The following ARHGAP39 variants were observed in gnomAD, a reference collection of about 807,000 sequenced individuals.
ARHGAP39 encodes Rho GTPase activating protein 39, also known as rho GTPase-activating protein 39.
ARHGAP39 carries 44 observed loss-of-function variants against 106.9 expected under a neutral mutation model. The ratio of observed to expected loss-of-function variants is 0.41; its 90% confidence interval spans 0.32 to 0.53. The LOEUF (loss-of-function observed/expected upper bound fraction) is 0.53. Among genes scored for constraint, ARHGAP39 ranks in the 20% least tolerant of loss-of-function variants. ARHGAP39 has a pLI of 0.21. For missense variants in ARHGAP39, 1,496 were observed against 1,577.3 expected, an observed-to-expected ratio of 0.95 and a Z score of 0.87; for synonymous variants, 768 against 693.2, an observed-to-expected ratio of 1.11 and a Z score of -1.69.
chr8:144,643,259 T>C lies in ARHGAP39; in HGVS notation c.-81-37564A>G, dbSNP rs183538240. Among the ~76,000 whole-genome samples the C allele has an allele frequency of 4.0e-3, 608 of 151,958 alleles. 2 individuals are homozygous for C. The highest frequency in any genetic ancestry group is 6.5e-3 in the Non-Finnish European group (444 of 67,940). Reference sequence around the variant, plus strand: ...AGTGGACTGCTTGAACTCAGGTGCTTGAGACCAGCCTGGGCAACATGGCAA... The same window carrying C: ...AGTGGACTGCTTGAACTCAGGTGCTCGAGACCAGCCTGGGCAACATGGCAA... On this transcript the variant is annotated intron_variant, in intron 1 of 11. Transcript: ENST00000377307.
At chr8:144,620,063 C>T (rs111206477) in intron 1 of ARHGAP39, among the ~76,000 whole-genome samples, 85 of 135,306 alleles carry the variant, frequency 6.3e-4, no homozygotes, top group Admixed American at 3.2e-3. Context: ...TCCCTGAGAG[C>T]GTGTCTGTGT....
At chr8:144,659,976 A>G (rs1016917478) in intron 1 of ARHGAP39, among the ~76,000 whole-genome samples, 3 of 152,160 alleles carry the variant, frequency 2.0e-5, no homozygotes, top group Admixed American at 6.5e-5. Flanking sequence ...CTCAGTTTAC[A>G]AATGCCAGAT....
At chr8:144,681,573 A>C (rs1453291285) in intron 1 of ARHGAP39, among the ~76,000 whole-genome samples, 1 of 152,196 alleles carries the variant, frequency 6.6e-6, no homozygotes, top group Non-Finnish European at 1.5e-5. Flanking sequence ...AGCACCAAAG[A>C]AGCCAGTACA....
At chr8:144,533,024 C>T in intron 9 of ARHGAP39, 102 bp downstream of exon 9, 2 of 1,394,674 alleles carry the variant, frequency 1.4e-6, no homozygotes, top group Non-Finnish European at 2.0e-6. Flanking sequence ...GGTGCGGAAG[C>T]AGCCCAGTGG....
intron 1 of ARHGAP39, among the ~76,000 whole-genome samples, chr8:144,636,982 T>C (rs1252130806): frequency 6.6e-6 from 1 of 152,242 alleles, no homozygotes; most frequent in Non-Finnish European, 1.5e-5. Flanking sequence ...AATCTGTGTC[T>C]TTCTGGAAGC....
intron 4 of ARHGAP39, among the ~76,000 whole-genome samples, chr8:144,553,027 G>A (rs1219245289): frequency 6.6e-6 from 1 of 152,188 alleles, no homozygotes; most frequent in Non-Finnish European, 1.5e-5. Flanking sequence ...GGGCTGGCAT[G>A]GGGCTGGACA....
At chr8:144,688,582 C>G (rs1822682869), upstream of ARHGAP39, among the ~76,000 whole-genome samples, 1 of 152,094 alleles carries the variant, frequency 6.6e-6, no homozygotes, top group African/African-American at 2.4e-5. Flanking sequence ...CCCGTGTCTA[C>G]AAAAAGAAAT....
In ARHGAP39 at chr8:144,641,647, G is replaced by A. The variant is rs76937746; in HGVS notation, c.-81-35952C>T. On this transcript the variant is annotated intron_variant, in intron 1 of 11. Transcript: ENST00000377307. This position sits in a 1 kb window ranked among gnomAD's most constrained non-coding sequence, Gnocchi z 5.2. ...CCTCTGTCGGCCTCCGCCAAAAGCAGAGCCTGAGACGAGGATGTGGCTTCA... is the reference window on the plus strand; with the variant it reads ...CCTCTGTCGGCCTCCGCCAAAAGCAAAGCCTGAGACGAGGATGTGGCTTCA... Among the ~76,000 whole-genome samples, 82 of 152,382 alleles carry A rather than the reference G, an allele frequency of 5.4e-4. No homozygotes were observed. The East Asian group carries it at 0.012, about 23-fold the overall frequency.
At chr8:144,561,747 C>A (rs868779711) in intron 3 of ARHGAP39, among the ~76,000 whole-genome samples, 1 of 143,588 alleles carries the variant, frequency 7.0e-6, no homozygotes, top group African/African-American at 3.0e-5. Context: ...TGGTTTCCAT[C>A]GGACTTAATC....
intron 2 of ARHGAP39, among the ~76,000 whole-genome samples, chr8:144,587,342 G>A (rs143398831): frequency 2.4e-3 from 358 of 152,328 alleles, no homozygotes; most frequent in African/African-American, 8.2e-3. Flanking sequence ...ATCTGGGTTC[G>A]GAGCCAGAAC....
At chr8:144,635,717 A>G (rs1482485803) in intron 1 of ARHGAP39, among the ~76,000 whole-genome samples, 39 of 140,450 alleles carry the variant, frequency 2.8e-4, no homozygotes, top group Middle Eastern at 4.0e-3. Flanking sequence ...GACAGTGTGG[A>G]GACTGAATTA....
chr8:144,595,876 A>C (rs1035534838), intron 2 of ARHGAP39, among the ~76,000 whole-genome samples: 3 of 152,022 alleles, frequency 2.0e-5, no homozygotes, highest in Non-Finnish European at 4.4e-5. Flanking sequence ...CCATCTTCCC[A>C]TCACCCCTCC....
chr8:144,620,199 G>A (rs540762980), intron 1 of ARHGAP39, among the ~76,000 whole-genome samples: 4 of 147,584 alleles, frequency 2.7e-5, no homozygotes, highest in Admixed American at 1.3e-4. Context: ...GTGTGTGCCC[G>A]TGTGTGAGCC....
At chr8:144,534,810 C>G (rs569113013) in intron 7 of ARHGAP39, among the ~76,000 whole-genome samples, 1 of 152,206 alleles carries the variant, frequency 6.6e-6, no homozygotes, top group Non-Finnish European at 1.5e-5. Flanking sequence ...AAACTCAGCC[C>G]GACAGCAGGG....
chr8:144,615,792 C>T (rs1489356051), intron 1 of ARHGAP39, among the ~76,000 whole-genome samples: 1 of 152,266 alleles, frequency 6.6e-6, no homozygotes, highest in African/African-American at 2.4e-5. Flanking sequence ...CACAAGGCCC[C>T]ATTCTCCCCG....
In ARHGAP39 at chr8:144,545,500, C is replaced by T. The variant is rs778343992; in HGVS notation, c.2270G>A (p.Arg757Gln). ...FKLIQMYMGDRRAKADPLHVA... is the reference protein window; with the variant it reads ...FKLIQMYMGDQRAKADPLHVA... Reference sequence around the variant, plus strand: ...GTGCAGTGGGTCGGCCTTGGCCCGCCGGTCACCCATGTACATCTGGATCAG... The same window carrying T: ...GTGCAGTGGGTCGGCCTTGGCCCGCTGGTCACCCATGTACATCTGGATCAG... The change falls in exon 6 of 12, where the codon CGG (arginine) becomes CAG (glutamine). Residue 757 changes from arginine (R) to glutamine (Q), a missense_variant. Around this residue, in one of 4 missense-constraint regions of ARHGAP39, gnomAD observed 470 missense variants for 605.1 expected, o/e 0.78. Coordinates refer to ENST00000377307, the MANE Select transcript of ARHGAP39 (RefSeq NM_025251.3). 6 of 1,608,054 alleles carry T rather than the reference C, an allele frequency of 3.7e-6. No individual in the cohort carries two copies. The highest frequency in any genetic ancestry group is 1.3e-5 in the African/African-American group (1 of 74,824).
upstream of ARHGAP39, among the ~76,000 whole-genome samples, chr8:144,689,224 G>C (rs1316749268): frequency 4.0e-5 from 6 of 151,698 alleles, no homozygotes; most frequent in Admixed American, 2.6e-4. Flanking sequence ...GTGCCTGCAA[G>C]TTTGACTTTT....
At chr8:144,673,313 C>G (rs1356649083) in intron 1 of ARHGAP39, among the ~76,000 whole-genome samples, 1 of 152,150 alleles carries the variant, frequency 6.6e-6, no homozygotes, top group Admixed American at 6.5e-5. Context: ...CCTCTGCGGG[C>G]ATGCAGCCTT....
rs1188665551 is a variant in ARHGAP39 at position 144,684,359 on chromosome 8, C to G, written c.-82+1327G>C. 6.6e-6 allele frequency among the ~76,000 whole-genome samples: 1 copy of G among 152,250 alleles called. No homozygotes were observed. Among genetic ancestry groups the G allele is most frequent in the Non-Finnish European group, 1.5e-5 (1 of 68,054 alleles). Reference sequence around the variant, plus strand: ...GTGGATCGGGCGCCGCCGACGGAACCACCTGCTGTCTATAGAGGGCACCTA... The same window carrying G: ...GTGGATCGGGCGCCGCCGACGGAACGACCTGCTGTCTATAGAGGGCACCTA... On this transcript the variant is annotated intron_variant, in intron 1 of 11. Transcript: ENST00000377307. This position sits in a 1 kb window ranked among gnomAD's most constrained non-coding sequence, Gnocchi z 4.4.
Sources: gnomAD v4.1 joint callset for allele counts (sites outside exome capture counted in the v4.1 genomes callset) on GRCh38, gnomAD v4.1.1 for gene constraint, gnomAD v4.1.1 regional missense constraint, Gnocchi (gnomAD v3.1) non-coding constraint, MANE v1.5 for transcripts, NCBI Gene and HGNC (gene_info 2026-07-23, HGNC 2026-07-21) for gene names.